Variants in RAPGEF4 observed in about 807,000 individuals in gnomAD.
RAPGEF4 encodes Rap guanine nucleotide exchange factor 4.
In RAPGEF4, 66 loss-of-function variants were observed where a neutral mutation model predicts 147.9. That is an observed-to-expected ratio of 0.45 (90% CI 0.37 to 0.55). The LOEUF (loss-of-function observed/expected upper bound fraction) is 0.55. RAPGEF4 is among the 20% of genes least tolerant of loss of function. The pLI, the probability that RAPGEF4 is intolerant of heterozygous loss-of-function variation, is 0.00. For missense variants in RAPGEF4, 1,071 were observed against 1,257.3 expected (o/e 0.85, Z 2.24); for synonymous variants, 419 against 442.7 (o/e 0.95, Z 0.67).
chr2:172,854,794 G>C (rs1693231625), intron 4 of RAPGEF4, among the ~76,000 whole-genome samples: 1 of 152,132 alleles, frequency 6.6e-6, no homozygotes, highest in Non-Finnish European at 1.5e-5. Flanking sequence ...CAAAAATAGA[G>C]AGGTGAAAGA....
intron 6 of RAPGEF4, among the ~76,000 whole-genome samples, chr2:172,956,816 G>T (rs1175730950): frequency 6.6e-6 from 1 of 152,184 alleles, no homozygotes; most frequent in Non-Finnish European, 1.5e-5. Context: ...GCATGATGCA[G>T]GGTGCTCATA....
At chr2:172,857,076 G>A (rs1202716636) in intron 4 of RAPGEF4, among the ~76,000 whole-genome samples, 1 of 149,424 alleles carries the variant, frequency 6.7e-6, no homozygotes, top group Non-Finnish European at 1.5e-5. Flanking sequence ...ATTGTTATCT[G>A]TGGGAGAGCT....
At chr2:172,762,575 AT>A (rs1486232014) in intron 1 of RAPGEF4, among the ~76,000 whole-genome samples, 3 of 152,202 alleles carry the variant, frequency 2.0e-5, no homozygotes, top group African/African-American at 7.2e-5. Context: ...TCTGTCTGGG[AT>A]TGGGGCTGCA....
At position 173,042,263 on chromosome 2, in the gene RAPGEF4, G is replaced by T. The variant is rs1287864524; in HGVS notation, c.2853+5571G>T. Among the ~76,000 whole-genome samples the T allele has an allele frequency of 6.6e-6, 1 of 152,250 alleles. No homozygotes were observed. Among genetic ancestry groups the T allele is most frequent in the East Asian group, 1.9e-4 (1 of 5,208 alleles). The stretch of plus-strand genomic sequence containing the variant: ...GTTGAATAAAATGTAATGTTTCAGT[G>T]TTGGGCTTAGTGCACGAAAGCATTT... On this transcript the variant is annotated intron_variant, in intron 29 of 30. Coordinates refer to ENST00000397081, the MANE Select transcript of RAPGEF4 (RefSeq NM_007023.4). This position sits in a 1 kb window ranked among gnomAD's most constrained non-coding sequence, Gnocchi z 4.2.
Position 173,051,661 on chromosome 2 carries a change from A to G in RAPGEF4, c.2930A>G (p.Asn977Ser). 6.2e-7 allele frequency: 1 copy of G among 1,613,982 alleles called. No homozygotes were observed. Among genetic ancestry groups the G allele is most frequent in the Non-Finnish European group, 8.5e-7 (1 of 1,179,880 alleles). The part of the protein sequence containing the change: ...QPFNPDAAQA[N>S]KNHQDVRSYV... Reference sequence around the variant, plus strand: ...ACAGATCCTGATGCAGCTCAAGCTAATAAGAACCATCAGGATGTCCGGAGT... The same window carrying G: ...ACAGATCCTGATGCAGCTCAAGCTAGTAAGAACCATCAGGATGTCCGGAGT... The change falls in exon 31 of 31, where the codon AAT becomes AGT. Residue 977 changes from asparagine (N) to serine (S), a missense_variant. Asn to Ser is a conservative substitution (Grantham distance 46, BLOSUM62 1). Transcript: ENST00000397081.
intron 4 of RAPGEF4, among the ~76,000 whole-genome samples, chr2:172,816,242 T>C (rs935647480): frequency 1.3e-5 from 2 of 152,024 alleles, no homozygotes; most frequent in Admixed American, 1.3e-4. Flanking sequence ...CATTTGATTG[T>C]TATATCTAAG....
chr2:172,805,193 A>G (rs573417014), intron 3 of RAPGEF4, among the ~76,000 whole-genome samples: 1 of 152,242 alleles, frequency 6.6e-6, no homozygotes, highest in Non-Finnish European at 1.5e-5. Flanking sequence ...CAAGGCTTCA[A>G]GAGACTGGAG....
Position 173,030,923 on chromosome 2 carries a change from T to C in RAPGEF4, c.2649+669T>C, listed in dbSNP as rs1484566082. 2.6e-5 allele frequency among the ~76,000 whole-genome samples: 4 copies of C among 152,354 alleles called. No individual in the cohort carries two copies. The East Asian group carries it at 5.8e-4, about 22-fold the overall frequency. Reference sequence around the variant, plus strand: ...TTTATTATTAGCTTTGTACTCAAAATGTGCTTGACCTCTTACACGTGGCAT... The same window carrying C: ...TTTATTATTAGCTTTGTACTCAAAACGTGCTTGACCTCTTACACGTGGCAT... On this transcript the variant is annotated intron_variant, in intron 26 of 30. Transcript: ENST00000397081.
At chr2:172,741,998 T>C (rs6705576) in intron 1 of RAPGEF4, among the ~76,000 whole-genome samples, 134,638 of 152,182 alleles carry the variant, frequency 0.88, 60,453 homozygotes, top group Non-Finnish European at 0.96. Flanking sequence ...ACCCCTTCCC[T>C]GGCTCCAACA....
chr2:173,014,982 C>CA (rs916569551), intron 18 of RAPGEF4, among the ~76,000 whole-genome samples: 4 of 152,028 alleles, frequency 2.6e-5, no homozygotes, highest in African/African-American at 9.7e-5. Flanking sequence ...CTGAAGTAAT[C>CA]AAAAAAATAT....
At chr2:172,990,714 A>C (rs1056862703) in intron 14 of RAPGEF4, 96 bp from the exon 15 acceptor site, 17 of 811,576 alleles carry the variant, frequency 2.1e-5, no homozygotes, top group Non-Finnish European at 3.2e-5. Context: ...AACAATTAGC[A>C]TGACAAGCAC....
At chr2:173,045,411 C>T (rs1159768328) in intron 29 of RAPGEF4, among the ~76,000 whole-genome samples, 1 of 152,206 alleles carries the variant, frequency 6.6e-6, no homozygotes, top group African/African-American at 2.4e-5. Context: ...GGGCACCATA[C>T]TAGAGACGGT....
chr2:173,018,942 GA>G lies in RAPGEF4; in HGVS notation c.2155+143del, dbSNP rs1695767408. ...CTTATGTATGCTTCCACTAATAACAGAAACAGTATGGGTAGAGGTGGGTTGG... is the reference window on the plus strand; with the variant it reads ...CTTATGTATGCTTCCACTAATAACAGAACAGTATGGGTAGAGGTGGGTTGG... On this transcript the variant is annotated intron_variant, in intron 22 of 30. Transcript: ENST00000397081. The G allele has an allele frequency of 4.2e-6, 4 of 947,746 alleles. No homozygotes were observed. In the South Asian group the frequency reaches 6.6e-5, roughly 16 times the overall value. The allele number at this position is 947,746 out of a possible 1,614,324, so 58.7% of individuals were successfully genotyped here.
At chr2:172,740,594 G>A (rs1694215454) in intron 1 of RAPGEF4, among the ~76,000 whole-genome samples, 1 of 152,218 alleles carries the variant, frequency 6.6e-6, no homozygotes, top group Non-Finnish European at 1.5e-5. Context: ...CACACATGGT[G>A]AGAGAAGATA....
intron 17 of RAPGEF4, among the ~76,000 whole-genome samples, chr2:173,002,537 GAAC>G (rs1694032573): frequency 6.6e-6 from 1 of 151,434 alleles, no homozygotes; most frequent in African/African-American, 2.4e-5. Context: ...TTTATTTTTA[GAAC>G]AACAAAAATT....
chr2:172,846,630 A>G (rs1380342828), intron 4 of RAPGEF4, among the ~76,000 whole-genome samples: 1 of 152,184 alleles, frequency 6.6e-6, no homozygotes, highest in Non-Finnish European at 1.5e-5. Context: ...TTTACTCAAC[A>G]GATGTTTGTT....
chr2:172,821,274 C>T (rs1230029516), intron 4 of RAPGEF4, among the ~76,000 whole-genome samples: 6 of 152,082 alleles, frequency 3.9e-5, no homozygotes, highest in Non-Finnish European at 8.8e-5. Context: ...TAGGAATGCC[C>T]GGCCCACCTG....
In RAPGEF4 at chr2:172,795,015, C is replaced by T; in HGVS notation, c.66-10C>T. ...CTGACATAGCTTTTGTGCCTTTTCT[C>T]CCTATACAGACCACTGGAGCGATCC... On this transcript the variant is annotated splice_polypyrimidine_tract_variant and intron_variant, in intron 1 of 30. Coordinates refer to ENST00000397081, the MANE Select transcript of RAPGEF4 (RefSeq NM_007023.4). The T allele has an allele frequency of 6.2e-7, 1 of 1,611,410 alleles. No homozygotes were observed. Among genetic ancestry groups the T allele is most frequent in the Non-Finnish European group, 8.5e-7 (1 of 1,178,732 alleles).
chr2:172,849,585 A>C (rs556780182), intron 4 of RAPGEF4, among the ~76,000 whole-genome samples: 1 of 152,378 alleles, frequency 6.6e-6, no homozygotes, highest in East Asian at 1.9e-4. Flanking sequence ...GGCCTTGTTT[A>C]GCCTGCATCC....
Sources: gnomAD v4.1 joint callset for allele counts (sites outside exome capture counted in the v4.1 genomes callset) on GRCh38, gnomAD v4.1.1 for gene constraint, Gnocchi (gnomAD v3.1) non-coding constraint, MANE v1.5 for transcripts, NCBI Gene and HGNC (gene_info 2026-07-23, HGNC 2026-07-21) for gene names.